The following TCF12 variants were observed in gnomAD, a reference collection of about 807,000 sequenced individuals.
TCF12 encodes the protein DNA-binding protein HTF4.
TCF12 carries 45 observed loss-of-function variants against 86.0 expected under a neutral mutation model. The ratio of observed to expected loss-of-function variants is 0.52; its 90% CI spans 0.41 to 0.67. The LOEUF is 0.67. Among genes scored for constraint, TCF12 ranks in the 30% least tolerant of loss-of-function variants. The pLI is 0.00. For synonymous variants in TCF12, 330 were observed against 299.6 expected (o/e 1.10, Z -1.05); for missense variants, 881 against 859.9 (o/e 1.02, Z -0.31).
intron 7 of TCF12, among the ~76,000 whole-genome samples, chr15:57,195,484 T>C (rs1317576569): frequency 6.6e-6 from 1 of 152,194 alleles, no homozygotes. Flanking sequence ...GCTGTATTAG[T>C]TGTGAGTAGT....
At chr15:57,074,824 T>C (rs2069743925) in intron 4 of TCF12, among the ~76,000 whole-genome samples, 1 of 152,216 alleles carries the variant, frequency 6.6e-6, no homozygotes, top group African/African-American at 2.4e-5. Flanking sequence ...AAGGAAGAGA[T>C]TTCAGTTCCT....
chr15:56,929,569 C>T (rs1054489950), intron 3 of TCF12, among the ~76,000 whole-genome samples: 2 of 151,910 alleles, frequency 1.3e-5, no homozygotes, highest in South Asian at 4.2e-4. Flanking sequence ...GGTGAGTCAT[C>T]CAAGCTACTG....
At chr15:57,109,745 A>C (rs1253186108) in intron 5 of TCF12, among the ~76,000 whole-genome samples, 1 of 152,204 alleles carries the variant, frequency 6.6e-6, no homozygotes, top group Non-Finnish European at 1.5e-5. Context: ...ATTCATAAAA[A>C]TGTTAAAAGT....
At chr15:57,075,674 C>T (rs1160634961) in intron 4 of TCF12, among the ~76,000 whole-genome samples, 1 of 151,976 alleles carries the variant, frequency 6.6e-6, no homozygotes, top group Admixed American at 6.5e-5. Flanking sequence ...ATACAAGGAA[C>T]AGGGAATTTA....
At chr15:57,290,078 C>T (rs1053466560), downstream of TCF12, among the ~76,000 whole-genome samples, 16 of 151,050 alleles carry the variant, frequency 1.1e-4, no homozygotes, top group Non-Finnish European at 1.8e-4. Context: ...GGCGTGGTGG[C>T]TCACGCCTGT....
At chr15:57,167,810 T>G (rs1474355046) in intron 6 of TCF12, among the ~76,000 whole-genome samples, 1 of 152,156 alleles carries the variant, frequency 6.6e-6, no homozygotes, top group Non-Finnish European at 1.5e-5. Flanking sequence ...CCAAGTGATT[T>G]TTTAAAGTTT....
chr15:56,950,635 A>G (rs2061223314), intron 3 of TCF12, among the ~76,000 whole-genome samples: 1 of 145,364 alleles, frequency 6.9e-6, no homozygotes, highest in Non-Finnish European at 1.5e-5. Context: ...GTTTATTCTT[A>G]TTTCTTAATT....
intron 17 of TCF12, 91 bp from the exon 18 acceptor site, chr15:57,263,021 A>G (rs1195534660): frequency 1.5e-6 from 2 of 1,356,878 alleles, no homozygotes; most frequent in Admixed American, 2.6e-5. Flanking sequence ...TGCTAAGGAT[A>G]TTCACCAGCT....
At chr15:56,998,744 T>C (rs2063851743) in intron 3 of TCF12, among the ~76,000 whole-genome samples, 1 of 152,180 alleles carries the variant, frequency 6.6e-6, no homozygotes, top group African/African-American at 2.4e-5. Context: ...ATACATTCTT[T>C]CCAAGGGAAC....
chr15:56,923,313 C>T (rs2059873172), intron 3 of TCF12, among the ~76,000 whole-genome samples: 1 of 151,928 alleles, frequency 6.6e-6, no homozygotes. Context: ...AATCTTATTC[C>T]TGAAGCAAAA....
intron 14 of TCF12, among the ~76,000 whole-genome samples, chr15:57,251,646 T>C (rs2060122942): frequency 6.6e-6 from 1 of 152,218 alleles, no homozygotes; most frequent in South Asian, 2.1e-4. Context: ...GATGTTAAAA[T>C]TGTGTTATGA....
chr15:57,154,895 C>A (rs368150424), intron 5 of TCF12, among the ~76,000 whole-genome samples: 1 of 152,066 alleles, frequency 6.6e-6, no homozygotes, highest in East Asian at 1.9e-4. Context: ...AATGTATTTT[C>A]TAGTCAGTAC....
chr15:57,075,815 TC>T, intron 4 of TCF12, among the ~76,000 whole-genome samples: 1 of 58,814 alleles, frequency 1.7e-5, no homozygotes, highest in African/African-American at 7.1e-5. Context: ...TCTCTCTCTC[TC>T]TCTCTCTCTC....
At chr15:57,226,278 A>G (rs1295433082) in intron 8 of TCF12, among the ~76,000 whole-genome samples, 1 of 151,578 alleles carries the variant, frequency 6.6e-6, no homozygotes, top group African/African-American at 2.4e-5. Flanking sequence ...TTAATACTAA[A>G]TATAATTATA....
chr15:57,281,353 A>C (rs1296766923), intron 19 of TCF12, among the ~76,000 whole-genome samples: 1 of 152,194 alleles, frequency 6.6e-6, no homozygotes, highest in Non-Finnish European at 1.5e-5. Context: ...AGACCAACTC[A>C]TTCATCTTGT....
intron 3 of TCF12, 144 bp downstream of exon 3, chr15:56,921,242 ATTAATT>A (rs1172312291): frequency 2.1e-6 from 1 of 486,164 alleles, no homozygotes; most frequent in African/African-American, 2.0e-5. Context: ...AGTAAGATTT[ATTAATT>A]TTAAAAGATG....
chr15:57,110,850 GCTTT>G (rs1219928303), intron 5 of TCF12, among the ~76,000 whole-genome samples: 29 of 152,204 alleles, frequency 1.9e-4, no homozygotes, highest in African/African-American at 7.0e-4. Context: ...CACTCTAGAA[GCTTT>G]ACCTTCAGAT....
intron 3 of TCF12, among the ~76,000 whole-genome samples, chr15:56,928,367 C>A (rs926122845): frequency 2.0e-5 from 3 of 151,886 alleles, no homozygotes; most frequent in Non-Finnish European, 4.4e-5. Context: ...CATTATAAAG[C>A]CAGTATTATA....
intron 12 of TCF12, among the ~76,000 whole-genome samples, chr15:57,237,764 A>C (rs1013032894): frequency 1.3e-5 from 2 of 152,254 alleles, no homozygotes; most frequent in Non-Finnish European, 2.9e-5. Flanking sequence ...GAATAAAGCC[A>C]AATAAAGCCT....
Sources: gnomAD v4.1 joint callset for allele counts (sites outside exome capture counted in the v4.1 genomes callset) on GRCh38, gnomAD v4.1.1 for gene constraint, MANE v1.5 for transcripts, NCBI Gene and HGNC (gene_info 2026-07-23, HGNC 2026-07-21) for gene names.